Variants in COL6A5 observed in about 807,000 individuals in gnomAD.
COL6A5 encodes the protein collagen alpha-5(VI) chain.
COL6A5 carries 48 observed loss-of-function variants against 65.6 expected under a neutral mutation model. The ratio of observed to expected loss-of-function variants is 0.73; its 90% CI spans 0.58 to 0.93. The LOEUF is 0.93. Ranked by LOEUF, COL6A5 falls within the 40% of genes least tolerant of loss-of-function variation. The pLI is 0.00. For synonymous variants in COL6A5, 291 were observed against 322.8 expected, an observed-to-expected ratio of 0.90 and a Z score of 1.05; for missense variants, 914 against 928.3, an observed-to-expected ratio of 0.98 and a Z score of 0.20.
intron 4 of COL6A5, among the ~76,000 whole-genome samples, chr3:130,381,442 G>C (rs1379550508): frequency 6.6e-6 from 1 of 151,980 alleles, no homozygotes; most frequent in East Asian, 1.9e-4. Context: ...TTTTATAAAA[G>C]TCTTGCAGGG....
At chr3:130,424,696 A>G (rs1307521322) in intron 29 of COL6A5, among the ~76,000 whole-genome samples, 3 of 152,178 alleles carry the variant, frequency 2.0e-5, no homozygotes, top group Non-Finnish European at 4.4e-5. Flanking sequence ...AACTGAATCC[A>G]TATTAGAATG....
At chr3:130,406,382 C>G (rs1936994945) in intron 17 of COL6A5, 61 bp downstream of exon 17, 1 of 1,302,794 alleles carries the variant, frequency 7.7e-7, no homozygotes, top group African/African-American at 1.5e-5. Context: ...ACAGTCTTAA[C>G]TGCTGTGTGT....
chr3:130,447,138 C>T (rs1464063288), intron 4 of COL6A5, among the ~76,000 whole-genome samples: 1 of 152,132 alleles, frequency 6.6e-6, no homozygotes, highest in African/African-American at 2.4e-5. Context: ...TATAGTCTAT[C>T]TTTATTTGAT....
chr3:130,431,923 G>A (rs1937833678), exon 1 of COL6A5: 1 of 1,550,658 alleles, frequency 6.4e-7, no homozygotes, highest in Non-Finnish European at 8.7e-7. Flanking sequence ...TGCTTTTGAT[G>A]AGAGAGTTTT....
chr3:130,433,586 A>ATCCTCCTCTCTG (rs1937909829), intron 1 of COL6A5, among the ~76,000 whole-genome samples: 1 of 151,982 alleles, frequency 6.6e-6, no homozygotes, highest in Non-Finnish European at 1.5e-5. Context: ...CACTCAGGAC[A>ATCCTCCTCTCTG]TCCTCCTCTC....
At chr3:130,351,920 A>G (rs564117838) in intron 1 of COL6A5, among the ~76,000 whole-genome samples, 18 of 152,322 alleles carry the variant, frequency 1.2e-4, no homozygotes, top group Middle Eastern at 3.4e-3. Context: ...ATGTCCATCA[A>G]TGATAGACTG....
intron 29 of COL6A5, among the ~76,000 whole-genome samples, chr3:130,424,891 C>T (rs1363420359): frequency 1.3e-5 from 2 of 152,038 alleles, no homozygotes; most frequent in Non-Finnish European, 2.9e-5. Flanking sequence ...TGGTCTTGTG[C>T]TTGGCCAAGC....
At chr3:130,350,356 G>C (rs577224331) in intron 1 of COL6A5, among the ~76,000 whole-genome samples, 4 of 152,194 alleles carry the variant, frequency 2.6e-5, no homozygotes, top group Admixed American at 1.3e-4. Flanking sequence ...ATTAGGAAAA[G>C]AGGAAGTCAA....
exon 7 of COL6A5, chr3:130,391,650 G>C (rs1019010375): frequency 6.4e-7 from 1 of 1,551,516 alleles, no homozygotes; most frequent in Admixed American, 2.0e-5. Context: ...GAACTTGAGG[G>C]TATGGCAGGG....
At chr3:130,373,191 G>A (rs1320721890) in intron 1 of COL6A5, among the ~76,000 whole-genome samples, 2 of 152,124 alleles carry the variant, frequency 1.3e-5, no homozygotes, top group East Asian at 3.8e-4. Flanking sequence ...AATTTTGCGA[G>A]GACAGTAATT....
At chr3:130,377,367 A>G (rs2107638941) in intron 3 of COL6A5, among the ~76,000 whole-genome samples, 1 of 152,354 alleles carries the variant, frequency 6.6e-6, no homozygotes, top group Non-Finnish European at 1.5e-5. Context: ...AAATAGGATC[A>G]CTGTCTATTC....
chr3:130,373,792 T>A, intron 2 of COL6A5, 87 bp downstream of exon 2: 1 of 859,746 alleles, frequency 1.2e-6, no homozygotes, highest in African/African-American at 1.7e-5. Flanking sequence ...ATAATTTATT[T>A]ACTAAAAATC....
chr3:130,423,873 A>G, exon 29 of COL6A5: 1 of 1,549,774 alleles, frequency 6.5e-7, no homozygotes, highest in Non-Finnish European at 8.7e-7. Flanking sequence ...AGGGATCTCG[A>G]GGACTCCCAG....
At chr3:130,365,140 G>A (rs1935285819) in intron 1 of COL6A5, among the ~76,000 whole-genome samples, 1 of 152,182 alleles carries the variant, frequency 6.6e-6, no homozygotes, top group Non-Finnish European at 1.5e-5. Flanking sequence ...GCCTAAGCCA[G>A]GTGTACTTTC....
intron 7 of COL6A5, 50 bp from the exon 40 acceptor site, chr3:130,471,632 G>GC: frequency 6.7e-7 from 1 of 1,498,464 alleles, no homozygotes; most frequent in South Asian, 1.3e-5. Flanking sequence ...ATTTAATCTT[G>GC]CAGGGGACTT....
chr3:130,440,112 G>A, intron 2 of COL6A5, 54 bp from the exon 35 acceptor site: 2 of 1,414,842 alleles, frequency 1.4e-6, no homozygotes, highest in East Asian at 4.7e-5. Context: ...TCTCAAACAA[G>A]TGTCTTGTTG....
intron 1 of COL6A5, among the ~76,000 whole-genome samples, chr3:130,433,528 G>A (rs1382577273): frequency 6.6e-6 from 1 of 152,148 alleles, no homozygotes; most frequent in Non-Finnish European, 1.5e-5. Flanking sequence ...GCCTTGAGCA[G>A]TGCTCCCTTT....
chr3:130,422,842 G>A, intron 28 of COL6A5, 60 bp downstream of exon 28: 1 of 1,084,588 alleles, frequency 9.2e-7, no homozygotes, highest in Non-Finnish European at 1.3e-6. Context: ...TGGCTTTTAT[G>A]TTATAATAAT....
intron 5 of COL6A5, among the ~76,000 whole-genome samples, chr3:130,464,955 A>G (rs888340483): frequency 1.3e-5 from 2 of 152,138 alleles, no homozygotes; most frequent in Non-Finnish European, 2.9e-5. Flanking sequence ...ATCTTTTAGA[A>G]CTGCCCAAGA....
Sources: gnomAD v4.1 joint callset for allele counts (sites outside exome capture counted in the v4.1 genomes callset) on GRCh38, gnomAD v4.1.1 for gene constraint, MANE v1.5 for transcripts, NCBI Gene and HGNC (gene_info 2026-07-23, HGNC 2026-07-21) for gene names.